The following CCDC192 variants were observed in gnomAD, a reference collection of about 807,000 sequenced individuals.
CCDC192 encodes the protein coiled-coil domain containing 192, also known as coiled-coil domain-containing protein 192.
intron 5 of CCDC192, among the ~76,000 whole-genome samples, chr5:127,820,404 A>G (rs1749229000): frequency 6.6e-6 from 1 of 152,182 alleles, no homozygotes; most frequent in Admixed American, 6.5e-5. Flanking sequence ...CAACATGGAG[A>G]AACCTCGCCT....
At chr5:127,709,096 G>T (rs1163226071) in intron 2 of CCDC192, among the ~76,000 whole-genome samples, 1 of 127,216 alleles carries the variant, frequency 7.9e-6, no homozygotes, top group Non-Finnish European at 1.6e-5. Context: ...TCACACAGTG[G>T]GAGCAGGAGA....
chr5:127,764,703 T>G (rs1465581491), intron 3 of CCDC192, among the ~76,000 whole-genome samples: 2 of 151,928 alleles, frequency 1.3e-5, no homozygotes, highest in Non-Finnish European at 2.9e-5. Context: ...GGGGCACTTG[T>G]AAAATACATT....
At chr5:127,720,210 A>T (rs1369306919) in intron 2 of CCDC192, among the ~76,000 whole-genome samples, 1 of 152,210 alleles carries the variant, frequency 6.6e-6, no homozygotes, top group Admixed American at 6.5e-5. Context: ...TACTTCCAAG[A>T]TACAATGGGG....
intron 2 of CCDC192, among the ~76,000 whole-genome samples, chr5:127,717,928 C>CAAAAAAAAAAAAAAAAAAAAAAACAAAA: frequency 7.1e-5 from 7 of 98,074 alleles, no homozygotes; most frequent in East Asian, 2.9e-4. Flanking sequence ...TAAAGCTAGA[C>CAAAAAAAAAAAAAAAAAAAAAAACAAAA]AAAAAAAAAA....
intron 6 of CCDC192, among the ~76,000 whole-genome samples, chr5:127,879,307 G>A (rs1345194666): frequency 2.0e-5 from 3 of 148,518 alleles, no homozygotes. Context: ...TCTGATCTTT[G>A]ACAAACCTGA....
intron 6 of CCDC192, among the ~76,000 whole-genome samples, chr5:127,902,274 C>G (rs1580810846): frequency 6.6e-6 from 1 of 151,594 alleles, no homozygotes; most frequent in African/African-American, 2.4e-5. Context: ...GAGACTCCAT[C>G]TCAAAATAAT....
intron 5 of CCDC192, among the ~76,000 whole-genome samples, chr5:127,836,271 G>A (rs1214071668): frequency 6.6e-6 from 1 of 152,214 alleles, no homozygotes; most frequent in Non-Finnish European, 1.5e-5. Flanking sequence ...CAAGAGGTGG[G>A]CTCCCATGGC....
intron 6 of CCDC192, among the ~76,000 whole-genome samples, chr5:127,888,529 A>G (rs1047640025): frequency 6.6e-6 from 1 of 152,178 alleles, no homozygotes; most frequent in Non-Finnish European, 1.5e-5. Flanking sequence ...TACTAGATCT[A>G]GTATCACTAT....
At chr5:127,780,124 T>TAC (rs1465135875) in intron 3 of CCDC192, among the ~76,000 whole-genome samples, 1 of 152,030 alleles carries the variant, frequency 6.6e-6, no homozygotes, top group South Asian at 2.1e-4. Context: ...TATATATACA[T>TAC]ACACACACAT....
chr5:127,892,567 G>C (rs148805415), intron 6 of CCDC192, among the ~76,000 whole-genome samples: 176 of 152,266 alleles, frequency 1.2e-3, no homozygotes, highest in African/African-American at 3.8e-3. Context: ...CAGGTATGTA[G>C]GTGATGTGGA....
chr5:127,891,200 C>T (rs1752721449), intron 6 of CCDC192, among the ~76,000 whole-genome samples: 1 of 150,196 alleles, frequency 6.7e-6, no homozygotes, highest in African/African-American at 2.5e-5. Flanking sequence ...TTACAGGTGC[C>T]TGCCACCGCT....
chr5:127,729,359 A>G (rs955057600), intron 2 of CCDC192, among the ~76,000 whole-genome samples: 1 of 152,250 alleles, frequency 6.6e-6, no homozygotes, highest in Admixed American at 6.5e-5. Context: ...CTAGATTCAT[A>G]AAGCAAGTTC....
intron 6 of CCDC192, among the ~76,000 whole-genome samples, chr5:127,884,062 G>A (rs1035590985): frequency 1.9e-4 from 29 of 151,972 alleles, no homozygotes; most frequent in African/African-American, 5.1e-4. Flanking sequence ...CCACTTCCCC[G>A]TTCTTTCAGT....
chr5:127,755,711 C>T (rs1754542287), intron 3 of CCDC192, among the ~76,000 whole-genome samples: 1 of 148,544 alleles, frequency 6.7e-6, no homozygotes, highest in African/African-American at 2.5e-5. Context: ...ATTTCAGAGT[C>T]TCCAAATTGG....
intron 5 of CCDC192, among the ~76,000 whole-genome samples, chr5:127,807,872 A>G (rs537028066): frequency 8.5e-5 from 13 of 152,254 alleles, no homozygotes; most frequent in African/African-American, 3.1e-4. Context: ...AGATCAGCAG[A>G]GAGCCACATT....
chr5:127,709,441 G>C (rs1386224953), intron 2 of CCDC192, among the ~76,000 whole-genome samples: 1 of 152,174 alleles, frequency 6.6e-6, no homozygotes, highest in Non-Finnish European at 1.5e-5. Context: ...CAGGGACACA[G>C]ATCCAAACCT....
chr5:127,724,481 A>C (rs1752197560), intron 2 of CCDC192, among the ~76,000 whole-genome samples: 1 of 152,192 alleles, frequency 6.6e-6, no homozygotes, highest in Non-Finnish European at 1.5e-5. Context: ...CTTCCATAGT[A>C]CTTGCTTTGT....
At chr5:127,825,717 G>A (rs1718892727) in intron 5 of CCDC192, among the ~76,000 whole-genome samples, 1 of 152,144 alleles carries the variant, frequency 6.6e-6, no homozygotes, top group African/African-American at 2.4e-5. Context: ...TTTATGGAGG[G>A]CCAAAGATTT....
chr5:127,939,072 G>A (rs141347874), intron 6 of CCDC192, among the ~76,000 whole-genome samples: 166 of 142,972 alleles, frequency 1.2e-3, no homozygotes, highest in African/African-American at 4.0e-3. Flanking sequence ...CTGTTTTCCC[G>A]TTGCTTGTTA....
Sources: gnomAD v4.1 joint callset for allele counts (sites outside exome capture counted in the v4.1 genomes callset) on GRCh38, gnomAD v4.1.1 for gene constraint, MANE v1.5 for transcripts, NCBI Gene and HGNC (gene_info 2026-07-23, HGNC 2026-07-21) for gene names.